The following ARFGEF2 variants were observed in gnomAD, a reference collection of about 807,000 sequenced individuals.
The protein encoded by ARFGEF2 is brefeldin A-inhibited guanine nucleotide-exchange protein 2.
A neutral mutation model predicts 219.9 loss-of-function variants in ARFGEF2; 74 were observed. The ratio of observed to expected loss-of-function variants is 0.34; its 90% CI spans 0.28 to 0.41. ARFGEF2 has a LOEUF of 0.41. ARFGEF2 is among the 10% of genes least tolerant of loss of function. The pLI, the probability that ARFGEF2 is intolerant of heterozygous loss-of-function variation, is 1.00. For synonymous variants in ARFGEF2, 733 were observed against 799.2 expected (o/e 0.92, Z 1.40); for missense variants, 1,743 against 2,218.3 (o/e 0.79, Z 4.30).
At chr20:48,938,720 G>A (rs2090975329) in intron 1 of ARFGEF2, among the ~76,000 whole-genome samples, 1 of 152,056 alleles carries the variant, frequency 6.6e-6, no homozygotes, top group Non-Finnish European at 1.5e-5. Context: ...ACAATCAGAG[G>A]TTTCACTTAA....
intron 1 of ARFGEF2, among the ~76,000 whole-genome samples, chr20:48,928,741 G>T (rs1468124599): frequency 6.6e-6 from 1 of 152,050 alleles, no homozygotes; most frequent in Non-Finnish European, 1.5e-5. Context: ...TGATCTGCCC[G>T]CCTCAGCCTC....
In ARFGEF2 at chr20:49,035,759, G is replaced by T; in HGVS notation, c.*2560G>T. The T allele has an allele frequency of 1.9e-5, 3 of 155,602 alleles. No homozygotes were observed. Among genetic ancestry groups the T allele is most frequent in the East Asian group, 1.9e-4 (1 of 5,388 alleles). The allele number at this position is 155,602 out of a possible 1,614,324, so 9.6% of individuals were successfully genotyped here. ...AGAAGTTTTTATTTGTTACAATACTGCTGCTTTGAGCAATTTTGTTTCTCT... is the reference window on the plus strand; with the variant it reads ...AGAAGTTTTTATTTGTTACAATACTTCTGCTTTGAGCAATTTTGTTTCTCT... On this transcript the variant is annotated 3_prime_UTR_variant, in exon 39 of 39. Coordinates refer to ENST00000371917, the MANE Select transcript of ARFGEF2 (RefSeq NM_006420.3).
At chr20:48,960,161 T>C (rs2091137818) in intron 6 of ARFGEF2, among the ~76,000 whole-genome samples, 1 of 152,220 alleles carries the variant, frequency 6.6e-6, no homozygotes, top group South Asian at 2.1e-4. Context: ...ACCATATGTA[T>C]AGCTTGTTGG....
chr20:48,988,456 T>C (rs771198824), intron 17 of ARFGEF2, 35 bp from the exon 18 acceptor site: 23 of 1,610,540 alleles, frequency 1.4e-5, no homozygotes, highest in Non-Finnish European at 1.9e-5. Context: ...CAATTGGATG[T>C]TTTTTAAATG....
In ARFGEF2 at chr20:48,976,069, G is replaced by A. The variant is rs2091259107; in HGVS notation, c.1828G>A (p.Ala610Thr). 6.2e-7 allele frequency: 1 copy of A among 1,613,044 alleles called. No individual in the cohort carries two copies. The highest frequency in any genetic ancestry group is 8.5e-7 in the Non-Finnish European group (1 of 1,180,016). ...AGGGGATGGGAAAGGCCTTGACATG[G>A]CAAGACGGTGTAGTGTGACGTCCAT... is the stretch of plus-strand genomic sequence containing the variant. ...EIGDGKGLDM[A>T]RRCSVTSMES... The change falls in exon 14 of 39, where the codon GCA becomes ACA. Residue 610 changes from alanine (A) to threonine (T), a missense_variant. Around this residue, in one of 5 missense-constraint regions of ARFGEF2, gnomAD observed 666 missense variants for 955.4 expected, o/e 0.70. Transcript: ENST00000371917.
intron 1 of ARFGEF2, among the ~76,000 whole-genome samples, chr20:48,939,512 A>G (rs2090980995): frequency 6.6e-6 from 1 of 152,124 alleles, no homozygotes; most frequent in African/African-American, 2.4e-5. Context: ...AAAAGCTGAT[A>G]GCTTGGCTGC....
At chr20:49,025,682 G>C (rs1008258798) in intron 36 of ARFGEF2, among the ~76,000 whole-genome samples, 2 of 152,156 alleles carry the variant, frequency 1.3e-5, no homozygotes, top group African/African-American at 4.8e-5. Context: ...TTGATAAAAA[G>C]ACAAATTGAG....
At chr20:48,922,284 C>G (rs1421097880) in intron 1 of ARFGEF2, among the ~76,000 whole-genome samples, 2 of 152,216 alleles carry the variant, frequency 1.3e-5, no homozygotes, top group African/African-American at 4.8e-5. Flanking sequence ...GCCCTGTTTC[C>G]TGGTTCCTCC....
At chr20:49,024,821 C>G (rs2091591791) in intron 35 of ARFGEF2, among the ~76,000 whole-genome samples, 2 of 152,108 alleles carry the variant, frequency 1.3e-5, no homozygotes, top group South Asian at 4.1e-4. Flanking sequence ...CATGGTGAAA[C>G]CCCGTCTTTA....
intron 1 of ARFGEF2, among the ~76,000 whole-genome samples, chr20:48,926,091 T>C (rs551760949): frequency 6.6e-5 from 10 of 152,266 alleles, no homozygotes; most frequent in African/African-American, 2.4e-4. Flanking sequence ...AGAAGTTAAG[T>C]TGGCCAGGGT....
At chr20:48,937,283 T>C (rs1033888789) in intron 1 of ARFGEF2, among the ~76,000 whole-genome samples, 5 of 152,190 alleles carry the variant, frequency 3.3e-5, no homozygotes, top group African/African-American at 1.2e-4. Context: ...CGAAGAAAAG[T>C]TGAGTCAGGC....
At chr20:48,937,743 C>T (rs1828231512) in intron 1 of ARFGEF2, among the ~76,000 whole-genome samples, 1 of 152,246 alleles carries the variant, frequency 6.6e-6, no homozygotes, top group South Asian at 2.1e-4. Flanking sequence ...GAGGGCTGCT[C>T]TCTTCGGTCC....
chr20:48,928,259 C>T (rs1388497507), intron 1 of ARFGEF2, among the ~76,000 whole-genome samples: 106 of 129,582 alleles, frequency 8.2e-4, no homozygotes, highest in African/African-American at 3.0e-3. Context: ...AGTGCAGTGG[C>T]GCGATCTCGG....
chr20:49,018,806 G>A lies in ARFGEF2; in HGVS notation c.4510-78G>A, dbSNP rs1288283534. The A allele has an allele frequency of 1.4e-5, 16 of 1,139,794 alleles. No individual in the cohort carries two copies. The East Asian group carries it at 1.7e-4, about 12-fold the overall frequency. The allele number at this position is 1,139,794 out of a possible 1,614,324, so 70.6% of individuals were successfully genotyped here. ...CACTTAAATACAGGCTGGACCAGCC[G>A]TGTTAAAACAGGCACATCTCTGCCC... On this transcript the variant is annotated intron_variant, in intron 33 of 38. Coordinates refer to ENST00000371917, the MANE Select transcript of ARFGEF2 (RefSeq NM_006420.3).
Position 48,948,246 on chromosome 20 carries a change from A to G in ARFGEF2, c.277-3077A>G, listed in dbSNP as rs142581089. ...TCTTTTTTTTTCAATAAGTGATATC[A>G]CTTGTACAAGTTTCTCTGCAGCTTT... On this transcript the variant is annotated intron_variant, in intron 3 of 38. Coordinates refer to ENST00000371917, the MANE Select transcript of ARFGEF2 (RefSeq NM_006420.3). 2.5e-4 allele frequency among the ~76,000 whole-genome samples: 38 copies of G among 151,780 alleles called. 1 individual carries two copies. In the East Asian group the frequency reaches 6.4e-3, roughly 25 times the overall value.
intron 28 of ARFGEF2, among the ~76,000 whole-genome samples, chr20:49,013,146 G>C (rs1455217097): frequency 3.3e-5 from 5 of 152,172 alleles, no homozygotes; most frequent in Non-Finnish European, 7.3e-5. Flanking sequence ...CTTTAACAGT[G>C]CCTGGCCCAT....
At chr20:49,016,523 A>G (rs1334931885) in intron 31 of ARFGEF2, 108 bp downstream of exon 31, 1 of 1,269,982 alleles carries the variant, frequency 7.9e-7, no homozygotes, top group Non-Finnish European at 1.1e-6. Flanking sequence ...TACAATATAT[A>G]ATTTAGTTGG....
Position 49,033,281 on chromosome 20 carries a change from T to C in ARFGEF2, c.*82T>C. On this transcript the variant is annotated 3_prime_UTR_variant, in exon 39 of 39. Transcript: ENST00000371917. ...GACTGGCACATCTCGTGAAGTTTCA[T>C]AGAAACAAGGAGTTGGCATCTTGGA... The C allele has an allele frequency of 3.3e-6, 5 of 1,533,594 alleles. No homozygotes were observed. The highest frequency in any genetic ancestry group is 1.1e-5 in the South Asian group (1 of 88,420). The allele number at this position is 1,533,594 out of a possible 1,614,324, so 95.0% of individuals were successfully genotyped here.
rs780120990 is a variant in ARFGEF2 at position 49,016,277 on chromosome 20, C to T, written c.4180-3C>T. ...TTTAAGTGTCATCTTTTTGTTTTCCCAGAAATCTGAGTGGATGACAACAAC... is the reference window on the plus strand; with the variant it reads ...TTTAAGTGTCATCTTTTTGTTTTCCTAGAAATCTGAGTGGATGACAACAAC... On this transcript the variant is annotated splice_polypyrimidine_tract_variant and splice_region_variant and intron_variant, in intron 30 of 38. Coordinates refer to ENST00000371917, the MANE Select transcript of ARFGEF2 (RefSeq NM_006420.3). 1 of 1,613,754 alleles carries T rather than the reference C, an allele frequency of 6.2e-7. No individual in the cohort carries two copies. The highest frequency in any genetic ancestry group is 8.5e-7 in the Non-Finnish European group (1 of 1,179,846).
Sources: gnomAD v4.1 joint callset for allele counts (sites outside exome capture counted in the v4.1 genomes callset) on GRCh38, gnomAD v4.1.1 for gene constraint, gnomAD v4.1.1 regional missense constraint, MANE v1.5 for transcripts, NCBI Gene and HGNC (gene_info 2026-07-23, HGNC 2026-07-21) for gene names.